SUCLG2: variants seen among roughly 807,000 people sequenced by gnomAD.
SUCLG2 encodes the protein succinate-CoA ligase GDP-forming subunit beta.
Under a neutral mutation model 47.9 loss-of-function variants are expected in SUCLG2, and 42 were observed. The ratio of observed to expected loss-of-function variants is 0.88; its 90% CI spans 0.69 to 1.14. The LOEUF (loss-of-function observed/expected upper bound fraction) is 1.14, where lower values mean the gene tolerates loss of function less well. Ranked by LOEUF, SUCLG2 falls within the 50% of genes most tolerant of loss-of-function variation. The pLI, the probability that SUCLG2 is intolerant of heterozygous loss-of-function variation, is 0.00. For missense variants in SUCLG2, 571 were observed against 525.9 expected (o/e 1.09, Z -0.84); for synonymous variants, 195 against 197.3 (o/e 0.99, Z 0.10).
At chr3:67,582,453 T>C (rs1707906465) in intron 2 of SUCLG2, among the ~76,000 whole-genome samples, 1 of 152,200 alleles carries the variant, frequency 6.6e-6, no homozygotes, top group African/African-American at 2.4e-5. Context: ...GTTCTTGCTC[T>C]TTTTTATGGT....
chr3:67,612,812 A>C (rs895165864), intron 1 of SUCLG2, among the ~76,000 whole-genome samples: 1 of 152,174 alleles, frequency 6.6e-6, no homozygotes, highest in Admixed American at 6.5e-5. Context: ...GCCCCAGGTT[A>C]TTTTACCTGT....
chr3:67,434,733 T>C (rs1364412335), intron 9 of SUCLG2, among the ~76,000 whole-genome samples: 1 of 152,220 alleles, frequency 6.6e-6, no homozygotes, highest in Non-Finnish European at 1.5e-5. Context: ...TAAAAATGTA[T>C]TTCCTTCTTT....
chr3:67,415,356 G>A (rs978388173), intron 9 of SUCLG2, among the ~76,000 whole-genome samples: 12 of 152,134 alleles, frequency 7.9e-5, no homozygotes. Flanking sequence ...CAGCAATCAT[G>A]CTAAGGCTGA....
At chr3:67,404,416 A>G (rs759446810) in intron 9 of SUCLG2, among the ~76,000 whole-genome samples, 2 of 149,498 alleles carry the variant, frequency 1.3e-5, no homozygotes, top group Non-Finnish European at 3.0e-5. Context: ...TAAGAGAGAG[A>G]GAAAGTGCAA....
At chr3:67,642,914 GAC>G (rs1174204285) in intron 1 of SUCLG2, among the ~76,000 whole-genome samples, 2 of 132,258 alleles carry the variant, frequency 1.5e-5, no homozygotes, top group East Asian at 4.3e-4. Flanking sequence ...AACAGAAAAG[GAC>G]TCTGTGTGTG....
At chr3:67,628,902 T>A (rs9857985) in intron 1 of SUCLG2, among the ~76,000 whole-genome samples, 1 of 152,156 alleles carries the variant, frequency 6.6e-6, no homozygotes, top group Admixed American at 6.5e-5. Context: ...AACTGCTCCA[T>A]GTTAACACAG....
intron 10 of SUCLG2, among the ~76,000 whole-genome samples, chr3:67,391,493 T>A (rs140559178): frequency 2.9e-3 from 448 of 152,310 alleles, no homozygotes; most frequent in African/African-American, 0.01. Flanking sequence ...TTTTCAGCTG[T>A]GTCCCATATG....
At chr3:67,503,329 T>C (rs960613764) in intron 7 of SUCLG2, among the ~76,000 whole-genome samples, 1 of 151,874 alleles carries the variant, frequency 6.6e-6, no homozygotes, top group African/African-American at 2.4e-5. Flanking sequence ...AAAAAAAAAG[T>C]AAAATAACAA....
intron 6 of SUCLG2, among the ~76,000 whole-genome samples, chr3:67,512,328 G>A (rs958431530): frequency 2.5e-4 from 38 of 150,840 alleles, no homozygotes; most frequent in Non-Finnish European, 5.9e-5. Flanking sequence ...GTTAAAGTGC[G>A]AAGCCAGCAA....
chr3:67,636,855 G>C (rs1701019920), intron 1 of SUCLG2, among the ~76,000 whole-genome samples: 1 of 151,568 alleles, frequency 6.6e-6, no homozygotes. Flanking sequence ...CAGAGATCCT[G>C]GTGGAGGATA....
In SUCLG2 at chr3:67,524,915, T is replaced by G. The variant is rs145878648; in HGVS notation, c.417+3217A>C. Among the ~76,000 whole-genome samples, 669 of 152,162 alleles carry G rather than the reference T, an allele frequency of 4.4e-3. 8 individuals are homozygous for G. In the East Asian group the frequency reaches 0.053, roughly 12 times the overall value. The stretch of plus-strand genomic sequence containing the variant: ...AAAAACATTAACAGGCACAGACAAA[T>G]AAATCTCCAGGCTCACATGGTTTCA... On this transcript the variant is annotated intron_variant, in intron 4 of 10. Coordinates refer to ENST00000307227, the MANE Select transcript of SUCLG2 (RefSeq NM_003848.4).
At chr3:67,393,905 C>T (rs986738113) in intron 10 of SUCLG2, among the ~76,000 whole-genome samples, 3 of 152,150 alleles carry the variant, frequency 2.0e-5, no homozygotes, top group Admixed American at 1.3e-4. Flanking sequence ...GATACCCAGG[C>T]AAACAGGGTC....
intron 10 of SUCLG2, among the ~76,000 whole-genome samples, chr3:67,365,789 T>C (rs1251578440): frequency 6.6e-6 from 1 of 152,206 alleles, no homozygotes; most frequent in African/African-American, 2.4e-5. Context: ...TTTTTAAACT[T>C]TTTTGTGAGA....
intron 2 of SUCLG2, among the ~76,000 whole-genome samples, chr3:67,563,120 T>C (rs1260045697): frequency 6.7e-6 from 1 of 149,870 alleles, no homozygotes; most frequent in African/African-American, 2.4e-5. Flanking sequence ...CATATATACA[T>C]AATATATAAT....
chr3:67,562,986 GATTAA>G, intron 2 of SUCLG2, among the ~76,000 whole-genome samples: 1 of 151,472 alleles, frequency 6.6e-6, no homozygotes, highest in East Asian at 1.9e-4. Context: ...TCATTTTAAT[GATTAA>G]ATTAATAAAG....
intron 9 of SUCLG2, among the ~76,000 whole-genome samples, chr3:67,468,207 G>T (rs1704520816): frequency 6.6e-6 from 1 of 152,170 alleles, no homozygotes; most frequent in African/African-American, 2.4e-5. Flanking sequence ...TTAGGAATTT[G>T]CCAAAAAATT....
At chr3:67,525,225 A>G (rs1411655891) in intron 4 of SUCLG2, among the ~76,000 whole-genome samples, 1 of 152,248 alleles carries the variant, frequency 6.6e-6, no homozygotes, top group Non-Finnish European at 1.5e-5. Flanking sequence ...TACAGGTTTA[A>G]TAAGATTCCT....
intron 2 of SUCLG2, among the ~76,000 whole-genome samples, chr3:67,570,634 A>T (rs749513316): frequency 2.6e-5 from 4 of 152,218 alleles, no homozygotes; most frequent in Non-Finnish European, 5.9e-5. Context: ...ATGCCTATAT[A>T]GTGAAGCTCT....
chr3:67,642,895 G>T (rs1195866073), intron 1 of SUCLG2, among the ~76,000 whole-genome samples: 2 of 150,618 alleles, frequency 1.3e-5, no homozygotes, highest in East Asian at 3.9e-4. Context: ...CCATTGTACA[G>T]GCAAGTCCAA....
Sources: gnomAD v4.1 joint callset for allele counts (sites outside exome capture counted in the v4.1 genomes callset) on GRCh38, gnomAD v4.1.1 for gene constraint, MANE v1.5 for transcripts, NCBI Gene and HGNC (gene_info 2026-07-23, HGNC 2026-07-21) for gene names.